The following ATP6V1A variants were observed in gnomAD, a reference collection of about 807,000 sequenced individuals.
ATP6V1A encodes V-type proton ATPase catalytic subunit A.
A neutral mutation model predicts 70.1 loss-of-function variants in ATP6V1A; 18 were observed. That is an observed-to-expected ratio of 0.26 (90% CI 0.18 to 0.38). The LOEUF is 0.38. Ranked by LOEUF, ATP6V1A falls within the 10% of genes least tolerant of loss-of-function variation. ATP6V1A has a pLI of 1.00. For missense variants in ATP6V1A, 424 were observed against 772.4 expected (o/e 0.55, Z 5.35); for synonymous variants, 232 against 253.8 (o/e 0.91, Z 0.82).
At chr3:113,755,796 C>G (rs921168677) in intron 1 of ATP6V1A, among the ~76,000 whole-genome samples, 3 of 152,154 alleles carry the variant, frequency 2.0e-5, no homozygotes, top group African/African-American at 7.2e-5. Flanking sequence ...TCTCTCCCCT[C>G]ATCCTTATTC....
At chr3:113,786,782 T>A (rs1295390937) in intron 6 of ATP6V1A, among the ~76,000 whole-genome samples, 1 of 151,946 alleles carries the variant, frequency 6.6e-6, no homozygotes, top group Non-Finnish European at 1.5e-5. Context: ...TCTTCTTTTT[T>A]TTTTTTTTAA....
intron 1 of ATP6V1A, 108 bp downstream of exon 1, chr3:113,747,221 C>T (rs1363824117): frequency 6.6e-6 from 1 of 152,284 alleles, no homozygotes. Context: ...CCTGAGGCTT[C>T]CTCCCCGCTG....
chr3:113,785,590 C>CCT, intron 5 of ATP6V1A, among the ~76,000 whole-genome samples: 1 of 144,024 alleles, frequency 6.9e-6, no homozygotes, highest in East Asian at 2.1e-4. Flanking sequence ...CTCACTGTAG[C>CCT]CTCAACCTGC....
At chr3:113,807,045 A>G (rs1205998293) in intron 14 of ATP6V1A, among the ~76,000 whole-genome samples, 1 of 152,090 alleles carries the variant, frequency 6.6e-6, no homozygotes, top group Admixed American at 6.5e-5. Context: ...CAAATAGGTA[A>G]GCACTACATT....
chr3:113,808,322 T>A (rs1432015424), intron 14 of ATP6V1A, among the ~76,000 whole-genome samples: 23 of 125,326 alleles, frequency 1.8e-4, no homozygotes, highest in African/African-American at 6.9e-4. Context: ...AGACAGAGTG[T>A]CACTCTGTCA....
chr3:113,755,119 G>A (rs559860972), intron 1 of ATP6V1A, among the ~76,000 whole-genome samples: 7 of 152,294 alleles, frequency 4.6e-5, no homozygotes, highest in African/African-American at 1.4e-4. Flanking sequence ...ACAAAGAGAT[G>A]AAGGAAACCA....
intron 5 of ATP6V1A, among the ~76,000 whole-genome samples, chr3:113,785,680 T>A (rs1274262929): frequency 1.3e-5 from 2 of 150,440 alleles, no homozygotes; most frequent in East Asian, 3.9e-4. Context: ...AGTTAATTTT[T>A]TTTTTTTGAG....
At position 113,786,241 on chromosome 3, in the gene ATP6V1A, T is replaced by A. The variant is rs772767526; in HGVS notation, c.574T>A (p.Leu192Met). The change falls in exon 6 of 15, where the codon TTG becomes ATG. Residue 192 changes from leucine (L) to methionine (M), a missense_variant. By Grantham distance (15) the Leu-to-Met change is conservative. This residue lies in a region of ATP6V1A where 139 missense variants were observed against 163.5 expected (regional missense o/e 0.85). Transcript: ENST00000273398. ...TACTGTATTTCTATAGGATGTTGTC[T>A]TGGAGCTTGAATTTGAAGGTGTAAA... ...PGNYDTSDVVLELEFEGVKEK... is the reference protein window; with the variant it reads ...PGNYDTSDVVMELEFEGVKEK... 6.2e-7 allele frequency: 1 copy of A among 1,608,066 alleles called. No individual in the cohort carries two copies. The highest frequency in any genetic ancestry group is 1.1e-5 in the South Asian group (1 of 90,270).
chr3:113,776,242 C>T (rs570433840), intron 1 of ATP6V1A, among the ~76,000 whole-genome samples: 8 of 151,936 alleles, frequency 5.3e-5, no homozygotes, highest in Admixed American at 3.3e-4. Flanking sequence ...GCTTGTCATG[C>T]CAACTACTGG....
intron 12 of ATP6V1A, chr3:113,801,111 C>T (rs1005687854): frequency 9.9e-5 from 15 of 152,068 alleles, no homozygotes; most frequent in Non-Finnish European, 1.8e-4. Context: ...AAAGAGATCT[C>T]GCCACTGCAT....
Position 113,805,391 on chromosome 3 carries a change from A to C in ATP6V1A, c.1627A>C (p.Asn543His), listed in dbSNP as rs1478512965. 6.2e-7 allele frequency: 1 copy of C among 1,614,162 alleles called. No homozygotes were observed. The highest frequency in any genetic ancestry group is 1.7e-5 in the Admixed American group (1 of 60,022). ...PFYKTVGMLSNMIAFYDMARR... is the reference protein window; with the variant it reads ...PFYKTVGMLSHMIAFYDMARR... Reference sequence around the variant, plus strand: ...CTACAAGACAGTAGGGATGCTGTCCAACATGATTGCATTTTATGATATGGC... The same window carrying C: ...CTACAAGACAGTAGGGATGCTGTCCCACATGATTGCATTTTATGATATGGC... The change falls in exon 14 of 15, where the codon AAC (asparagine) becomes CAC (histidine). Residue 543 changes from asparagine to histidine, a missense_variant. Asn to His is a moderately conservative substitution (Grantham distance 68). Coordinates refer to ENST00000273398, the MANE Select transcript of ATP6V1A (RefSeq NM_001690.4).
At chr3:113,790,008 G>A (rs151060129) in intron 8 of ATP6V1A, among the ~76,000 whole-genome samples, 168 bp downstream of exon 8, 8 of 152,226 alleles carry the variant, frequency 5.3e-5, no homozygotes, top group South Asian at 2.1e-4. Context: ...GGTGACTCAC[G>A]CCTGTGGTCC....
At chr3:113,805,791 G>A (rs986539905) in intron 14 of ATP6V1A, among the ~76,000 whole-genome samples, 1 of 152,054 alleles carries the variant, frequency 6.6e-6, no homozygotes, top group Non-Finnish European at 1.5e-5. Flanking sequence ...GGATGGTCTC[G>A]ATCTCTTCAC....
intron 3 of ATP6V1A, among the ~76,000 whole-genome samples, chr3:113,782,560 G>A (rs532249462): frequency 1.4e-5 from 2 of 141,898 alleles, no homozygotes; most frequent in African/African-American, 2.6e-5. Context: ...ATATATACAT[G>A]TGTATATATA....
At chr3:113,804,626 G>T (rs1215039728) in intron 13 of ATP6V1A, among the ~76,000 whole-genome samples, 1 of 152,162 alleles carries the variant, frequency 6.6e-6, no homozygotes, top group Non-Finnish European at 1.5e-5. Context: ...CAGTAAATAT[G>T]CCTGTATATC....
At chr3:113,768,853 C>G (rs925181943) in intron 1 of ATP6V1A, among the ~76,000 whole-genome samples, 2 of 152,124 alleles carry the variant, frequency 1.3e-5, no homozygotes, top group Non-Finnish European at 2.9e-5. Flanking sequence ...ACCTTGGCCT[C>G]CCAAAGTGCT....
At chr3:113,806,021 C>CCAGCACTTTCAAAGGCTCAGGCAGG (rs1709272336) in intron 14 of ATP6V1A, among the ~76,000 whole-genome samples, 1 of 152,016 alleles carries the variant, frequency 6.6e-6, no homozygotes, top group Non-Finnish European at 1.5e-5. Flanking sequence ...GCCTGTAATC[C>CCAGCACTTTCAAAGGCTCAGGCAGG]CAGCACTTTC....
rs1252927173 is a variant in ATP6V1A, at chr3:113,761,094, T to G, written c.-14+13981T>G. On this transcript the variant is annotated intron_variant, in intron 1 of 14. Transcript: ENST00000273398. ...GAAAAAAAAAATAGACATATTTTCT[T>G]TTCTTTTCTTTTTTTTTTTCTTTTT... 1.3e-5 allele frequency among the ~76,000 whole-genome samples: 2 copies of G among 151,938 alleles called. 1 individual carries two copies. Among genetic ancestry groups the G allele is most frequent in the Non-Finnish European group, 2.9e-5 (2 of 67,988 alleles).
At chr3:113,769,121 T>A (rs186960854) in intron 1 of ATP6V1A, among the ~76,000 whole-genome samples, 1 of 152,304 alleles carries the variant, frequency 6.6e-6, no homozygotes, top group East Asian at 1.9e-4. Context: ...ACATAAGCCA[T>A]TCTAATAGGA....
Sources: allele counts gnomAD v4.1 joint callset (sites outside exome capture counted in the v4.1 genomes callset), GRCh38; gene constraint gnomAD v4.1.1; regional missense constraint gnomAD v4.1.1; transcripts MANE v1.5; gene names NCBI Gene and HGNC (gene_info 2026-07-23, HGNC 2026-07-21).